Variants in ITGAV observed in about 807,000 individuals in gnomAD.
ITGAV encodes the protein integrin subunit alpha V.
Under a neutral mutation model 143.8 loss-of-function variants are expected in ITGAV, and 76 were observed. That is an observed-to-expected ratio of 0.53 (90% CI 0.44 to 0.64). The LOEUF (loss-of-function observed/expected upper bound fraction) is 0.64, where lower values mean the gene tolerates loss of function less well. Ranked by LOEUF, ITGAV falls within the 30% of genes least tolerant of loss-of-function variation. The pLI, the probability that ITGAV is intolerant of heterozygous loss-of-function variation, is 0.00. For missense variants in ITGAV, 1,193 were observed against 1,274.7 expected, an observed-to-expected ratio of 0.94 and a Z score of 0.98; for synonymous variants, 453 against 446.7, an observed-to-expected ratio of 1.01 and a Z score of -0.18.
chr2:186,620,526 G>C (rs1004519376), intron 2 of ITGAV, among the ~76,000 whole-genome samples: 7 of 152,204 alleles, frequency 4.6e-5, no homozygotes, highest in African/African-American at 1.7e-4. Flanking sequence ...ACTTTGGGAA[G>C]CTGAGGCAGG....
rs776935186 is a variant in ITGAV at position 186,652,040 on chromosome 2, C to G, written c.1456C>G (p.Gln486Glu). Residue 486 changes from glutamine to glutamate, a missense_variant, in exon 15 of 30, where the codon CAA (glutamine) becomes GAA (glutamate). Gln to Glu is a conservative substitution (Grantham distance 29, BLOSUM62 2). Coordinates refer to ENST00000261023, the MANE Select transcript of ITGAV (RefSeq NM_002210.5). ...GLEVYPSILN[Q>E]DNKTCSLPGT... ...TGAAGTGTACCCTAGCATTTTAAAT[C>G]AAGACAATAAAACCTGCTCACTGCC... 1 of 1,613,648 alleles carries G rather than the reference C, an allele frequency of 6.2e-7. No homozygotes were observed. Among genetic ancestry groups the G allele is most frequent in the Non-Finnish European group, 8.5e-7 (1 of 1,179,670 alleles).
chr2:186,615,135 T>C (rs1202607810), intron 2 of ITGAV, among the ~76,000 whole-genome samples: 1 of 152,150 alleles, frequency 6.6e-6, no homozygotes, highest in African/African-American at 2.4e-5. Context: ...GTAGCATGTA[T>C]CAGTGCTACA....
intron 18 of ITGAV, among the ~76,000 whole-genome samples, chr2:186,661,848 G>T (rs1688756027): frequency 6.6e-6 from 1 of 151,876 alleles, no homozygotes; most frequent in Non-Finnish European, 1.5e-5. Flanking sequence ...ACCCACCTTG[G>T]CCTCCCAAAG....
chr2:186,620,915 G>A (rs898153461), intron 2 of ITGAV, among the ~76,000 whole-genome samples: 2 of 152,120 alleles, frequency 1.3e-5, no homozygotes, highest in African/African-American at 4.8e-5. Flanking sequence ...TAATTTTAAT[G>A]TTATCTTAAA....
At chr2:186,596,168 CT>C (rs1686744330) in intron 1 of ITGAV, among the ~76,000 whole-genome samples, 1 of 152,106 alleles carries the variant, frequency 6.6e-6, no homozygotes, top group Non-Finnish European at 1.5e-5. Flanking sequence ...CAGAAAGTTT[CT>C]TTTTAAAGTA....
intron 2 of ITGAV, among the ~76,000 whole-genome samples, chr2:186,618,063 A>C (rs1687417541): frequency 6.6e-6 from 1 of 152,134 alleles, no homozygotes; most frequent in Non-Finnish European, 1.5e-5. Flanking sequence ...TCATGAATGA[A>C]CTTCTTGTCA....
chr2:186,636,147 A>G lies in ITGAV; in HGVS notation c.697A>G (p.Lys233Glu), dbSNP rs1178436168. Reference protein sequence around the residue: ...SKYDPNVYSIKYNNQLATRTA... With the variant: ...SKYDPNVYSIEYNNQLATRTA... ...ATACGACCCCAATGTTTACAGCATC[A>G]AGTATAATAACCAATTAGCAACTCG... Residue 233 changes from lysine (K) to glutamate (E), a missense_variant, in exon 7 of 30, where the codon AAG (lysine) becomes GAG (glutamate). Coordinates refer to ENST00000261023, the MANE Select transcript of ITGAV (RefSeq NM_002210.5). 1.2e-6 allele frequency: 2 copies of G among 1,613,352 alleles called. No homozygotes were observed. Among genetic ancestry groups the G allele is most frequent in the African/African-American group, 2.7e-5 (2 of 74,898 alleles).
At chr2:186,674,000 G>T (rs1483231842) in intron 26 of ITGAV, among the ~76,000 whole-genome samples, 2 of 151,986 alleles carry the variant, frequency 1.3e-5, no homozygotes, top group Non-Finnish European at 2.9e-5. Context: ...TAGAGACAGG[G>T]TCTTATTCTC....
chr2:186,668,221 T>TTTTTTTTTTTTTG (rs1688968409), intron 24 of ITGAV, among the ~76,000 whole-genome samples: 1 of 63,350 alleles, frequency 1.6e-5, no homozygotes, highest in Non-Finnish European at 3.2e-5. Flanking sequence ...TATATATTTT[T>TTTTTTTTTTTTTG]TTTTTTTTTT....
rs1345121041 is a variant in ITGAV, at chr2:186,637,109, G to C, written c.802G>C (p.Asp268His). 3 of 1,608,088 alleles carry C rather than the reference G, an allele frequency of 1.9e-6. No individual in the cohort carries two copies. In the African/African-American group the frequency reaches 4.0e-5, roughly 21 times the overall value. ...VGDFNGDGID[D>H]FVSGVPRAAR... is the part of the protein sequence containing the mutation. ...AGATTTCAATGGTGATGGCATAGAT[G>C]GTATGAAGTACTTGAACTATATCTA... Residue 268 changes from aspartate (D) to histidine (H), a missense_variant and splice_region_variant, in exon 8 of 30, where the codon GAC (aspartate) becomes CAC (histidine). Physicochemically the swap from Asp to His is moderately conservative, Grantham distance 81. Transcript: ENST00000261023.
At chr2:186,641,722 C>T in intron 12 of ITGAV, 134 bp downstream of exon 12, 1 of 673,838 alleles carries the variant, frequency 1.5e-6, no homozygotes, top group East Asian at 2.6e-5. Flanking sequence ...AAGTGAGTAA[C>T]ACACCAAATT....
chr2:186,642,434 A>T (rs1039923490), intron 12 of ITGAV, among the ~76,000 whole-genome samples: 3 of 151,760 alleles, frequency 2.0e-5, no homozygotes, highest in Non-Finnish European at 4.4e-5. Flanking sequence ...TGCCCTCAAG[A>T]TTTCACACCT....
chr2:186,653,307 T>C (rs1378034070), intron 15 of ITGAV, among the ~76,000 whole-genome samples: 1 of 152,068 alleles, frequency 6.6e-6, no homozygotes, highest in African/African-American at 2.4e-5. Flanking sequence ...CATATCAATA[T>C]AAATATAAAA....
At chr2:186,649,646 A>G (rs561598674) in intron 13 of ITGAV, among the ~76,000 whole-genome samples, 194 bp from the exon 14 acceptor site, 2 of 152,280 alleles carry the variant, frequency 1.3e-5, no homozygotes, top group Non-Finnish European at 2.9e-5. Flanking sequence ...CTACTTTATG[A>G]TAAGCATTTT....
chr2:186,636,998 T>C, intron 7 of ITGAV, 67 bp from the exon 8 acceptor site: 1 of 1,300,190 alleles, frequency 7.7e-7, no homozygotes, highest in Non-Finnish European at 1.1e-6. Flanking sequence ...AAGGAATGCT[T>C]ACTCAGCAAG....
chr2:186,612,469 G>A (rs1290764496), intron 2 of ITGAV, among the ~76,000 whole-genome samples: 1 of 151,942 alleles, frequency 6.6e-6, no homozygotes, highest in African/African-American at 2.4e-5. Context: ...CAGAAGGGCA[G>A]AGGTCAGATT....
In ITGAV at chr2:186,639,320, G is replaced by C. The variant is rs182607546; in HGVS notation, c.903+855G>C. Among the ~76,000 whole-genome samples, 50 of 152,242 alleles carry C rather than the reference G, an allele frequency of 3.3e-4. No homozygotes were observed. In the East Asian group the frequency reaches 7.2e-3, roughly 22 times the overall value. ...GGGATTCAAGCCTTTTTGTTCAGTT[G>C]AGATTGTTGGGCTTTGGGATAGGAT... On this transcript the variant is annotated intron_variant, in intron 10 of 29. Transcript: ENST00000261023.
chr2:186,631,030 C>G (rs1687802502), intron 5 of ITGAV, among the ~76,000 whole-genome samples, 172 bp downstream of exon 5: 1 of 152,120 alleles, frequency 6.6e-6, no homozygotes, highest in South Asian at 2.1e-4. Flanking sequence ...ATTATTCCCT[C>G]CCTAGTAAAC....
chr2:186,649,826 C>T lies in ITGAV; in HGVS notation c.1352-14C>T. 6.4e-7 allele frequency: 1 copy of T among 1,557,330 alleles called. No homozygotes were observed. Among genetic ancestry groups the T allele is most frequent in the East Asian group, 2.3e-5 (1 of 44,060 alleles). ...CATTATCATTATTAACATGTTTTTC[C>T]ACTCTTTCTTAAGACTTAATTGTAG... On this transcript the variant is annotated splice_polypyrimidine_tract_variant and intron_variant, in intron 13 of 29. Transcript: ENST00000261023.
Sources: gnomAD v4.1 joint callset for allele counts (sites outside exome capture counted in the v4.1 genomes callset) on GRCh38, gnomAD v4.1.1 for gene constraint, MANE v1.5 for transcripts, NCBI Gene and HGNC (gene_info 2026-07-23, HGNC 2026-07-21) for gene names.